Variants in NASP observed in about 807,000 individuals in gnomAD.
NASP encodes the protein NASP histone chaperone.
NASP carries 24 observed loss-of-function variants against 89.5 expected under a neutral mutation model. That is an observed-to-expected ratio of 0.27 (90% CI 0.19 to 0.38). NASP has a LOEUF of 0.38. NASP is among the 10% of genes least tolerant of loss of function. The probability of loss-of-function intolerance (pLI) is 1.00; values close to 1 mark genes in which losing one functional copy is unlikely to be tolerated. For missense variants in NASP, 848 were observed against 921.4 expected, an observed-to-expected ratio of 0.92 and a Z score of 1.03; for synonymous variants, 306 against 324.7, an observed-to-expected ratio of 0.94 and a Z score of 0.62.
At position 45,618,304 on chromosome 1, in the gene NASP, T is replaced by C. The variant is rs1644144047; in HGVS notation, c.*163T>C. ...ATTGGCTGAATCTGCCTTGGAGCAC[T>C]GCTGGTTTTATATATTAGCCAAAGG... On this transcript the variant is annotated 3_prime_UTR_variant, in exon 15 of 15. Coordinates refer to ENST00000350030, the MANE Select transcript of NASP (RefSeq NM_002482.4). 1.7e-6 allele frequency: 1 copy of C among 589,292 alleles called. No individual in the cohort carries two copies. Among genetic ancestry groups the C allele is most frequent in the Admixed American group, 3.1e-5 (1 of 32,690 alleles). The allele number at this position is 589,292 out of a possible 1,614,324, so 36.5% of individuals were successfully genotyped here.
Position 45,618,109 on chromosome 1 carries a change from G to A in NASP, c.2335G>A (p.Ala779Thr). The A allele has an allele frequency of 6.2e-7, 1 of 1,601,744 alleles. No individual in the cohort carries two copies. The highest frequency in any genetic ancestry group is 8.5e-7 in the Non-Finnish European group (1 of 1,173,970). Reference protein sequence around the residue: ...SRAAVEGTVEAGATVESTAC With the variant: ...SRAAVEGTVETGATVESTAC Reference sequence around the variant, plus strand: ...GGCAGCAGTGGAGGGGACAGTGGAGGCTGGAGCTACAGTTGAAAGCACTGC... The same window carrying A: ...GGCAGCAGTGGAGGGGACAGTGGAGACTGGAGCTACAGTTGAAAGCACTGC... The change falls in exon 15 of 15, where the codon GCT becomes ACT. Residue 779 changes from alanine (A) to threonine (T), a missense_variant. Physicochemically the swap from Ala to Thr is moderately conservative, Grantham distance 58. Coordinates refer to ENST00000350030, the MANE Select transcript of NASP (RefSeq NM_002482.4).
In NASP at chr1:45,613,023, G is replaced by A. The variant is rs969357272; in HGVS notation, c.1427-146G>A. 12 of 1,154,262 alleles carry A rather than the reference G, an allele frequency of 1.0e-5. No individual in the cohort carries two copies. In the African/African-American group the frequency reaches 1.4e-4, roughly 14 times the overall value. The allele number at this position is 1,154,262 out of a possible 1,614,324, so 71.5% of individuals were successfully genotyped here. A position where few individuals can be genotyped will look rare whatever the true frequency, so the allele number is the denominator to read the frequency against. On this transcript the variant is annotated intron_variant, in intron 6 of 14. Transcript: ENST00000350030. ...CTTGAACTAGACTGCACCCACTGAC[G>A]ATATATTCAGTTCAGGTGTTAACTC...
intron 2 of NASP, among the ~76,000 whole-genome samples, chr1:45,597,367 A>C (rs1643726323): frequency 6.6e-6 from 1 of 150,442 alleles, no homozygotes; most frequent in South Asian, 2.1e-4. Context: ...TAACAGAAGA[A>C]TATCCAGTTA....
intron 14 of NASP, 79 bp downstream of exon 14, chr1:45,617,670 A>G (rs775029114): frequency 1.1e-5 from 16 of 1,457,824 alleles, no homozygotes; most frequent in Non-Finnish European, 1.5e-5. Context: ...TCTCAAGTGC[A>G]TGCTCCCCAC....
chr1:45,614,409 C>A (rs780616285), intron 9 of NASP, 43 bp downstream of exon 9: 26 of 1,447,932 alleles, frequency 1.8e-5, no homozygotes, highest in Non-Finnish European at 2.4e-5. Flanking sequence ...CTCTTCAGCT[C>A]CCTCGTTCTT....
Position 45,607,965 on chromosome 1 carries a change from G to A in NASP, c.1054G>A (p.Ala352Thr). Residue 352 changes from alanine (A) to threonine (T), a missense_variant, in exon 6 of 15, where the codon GCA (alanine) becomes ACA (threonine). Ala to Thr is a moderately conservative substitution (Grantham distance 58, BLOSUM62 0). Around this residue, in one of 5 missense-constraint regions of NASP, gnomAD observed 464 missense variants for 469.4 expected, o/e 0.99. Coordinates refer to ENST00000350030, the MANE Select transcript of NASP (RefSeq NM_002482.4). ...GTCACCAGAGGTGACAACAGAGGCT[G>A]CAGAGGCCTCAGCTGTAGAGGCTGG... ...EESPEVTTEA[A>T]EASAVEAGSE... 6.2e-7 allele frequency: 1 copy of A among 1,614,138 alleles called. No individual in the cohort carries two copies.
chr1:45,595,220 G>A (rs1643665519), intron 2 of NASP, among the ~76,000 whole-genome samples: 1 of 148,180 alleles, frequency 6.7e-6, no homozygotes. Flanking sequence ...TGTTGCTCAG[G>A]CAGGTCTTGA....
intron 6 of NASP, chr1:45,610,190 C>T (rs541588313): frequency 2.0e-5 from 3 of 152,018 alleles, no homozygotes; most frequent in Admixed American, 1.3e-4. Context: ...CACAGCGAGT[C>T]TCTGTCTTCC....
At chr1:45,597,298 C>CTT (rs71056314) in intron 2 of NASP, among the ~76,000 whole-genome samples, 23,628 of 98,988 alleles carry the variant, frequency 0.24, 3,539 homozygotes, top group East Asian at 0.37. Context: ...CAGAGCAAGA[C>CTT]TTTTTTTTTT....
At position 45,602,256 on chromosome 1, in the gene NASP, C is replaced by G. The variant is rs1374865799; in HGVS notation, c.109C>G (p.Leu37Val). The change falls in exon 3 of 15, where the codon CTG becomes GTG. Residue 37 changes from leucine to valine, a missense_variant and splice_region_variant. Coordinates refer to ENST00000350030, the MANE Select transcript of NASP (RefSeq NM_002482.4). ...CTAGAAAAAATCTTTTTTTTGCAGT[C>G]TGGATGTGGATAGTGAAGCTAAGAA... ...PSTSADKVES[L>V]DVDSEAKKLL... The G allele has an allele frequency of 9.9e-6, 16 of 1,610,378 alleles. 1 individual carries two copies. The South Asian group carries it at 1.8e-4, about 18-fold the overall frequency.
Position 45,607,947 on chromosome 1 carries a change from G to T in NASP, c.1036G>T (p.Glu346Ter). The T allele has an allele frequency of 6.2e-7, 1 of 1,614,166 alleles. No homozygotes were observed. Among genetic ancestry groups the T allele is most frequent in the Non-Finnish European group, 8.5e-7 (1 of 1,180,024 alleles). The part of the protein sequence containing the change: ...QEVPPAEESP[E>*]VTTEAAEASA... ...AGTACCACCTGCTGAAGAGTCACCA[G>T]AGGTGACAACAGAGGCTGCAGAGGC... Residue 346 changes from glutamate to a stop codon, truncating the protein, a stop_gained, in exon 6 of 15, where the codon GAG becomes TAG. Transcript: ENST00000350030. LOFTEE classifies it high-confidence loss of function.
At position 45,608,240 on chromosome 1, in the gene NASP, A is replaced by G. The variant is rs1172829230; in HGVS notation, c.1329A>G (p.Val443=). 6.2e-7 allele frequency: 1 copy of G among 1,614,184 alleles called. No individual in the cohort carries two copies. Among genetic ancestry groups the G allele is most frequent in the Non-Finnish European group, 8.5e-7 (1 of 1,180,000 alleles). ...CTGGAGATGGGGTTGATACCAAGGTAGCCCAGGGAGCTACTGAGAAATCAC... is the reference window on the plus strand; with the variant it reads ...CTGGAGATGGGGTTGATACCAAGGTGGCCCAGGGAGCTACTGAGAAATCAC... ...EAAGDGVDTK[V]AQGATEKSPE... Residue 443 remains valine, a synonymous_variant, in exon 6 of 15, where the codon GTA becomes GTG. Transcript: ENST00000350030.
At chr1:45,605,504 C>A (rs1025655379) in intron 4 of NASP, among the ~76,000 whole-genome samples, 1 of 151,876 alleles carries the variant, frequency 6.6e-6, no homozygotes, top group Non-Finnish European at 1.5e-5. Flanking sequence ...AGTCTGTCAC[C>A]CAGGCTGGAA....
chr1:45,591,167 A>G, intron 1 of NASP, 56 bp from the exon 2 acceptor site: 2 of 1,024,958 alleles, frequency 2.0e-6, no homozygotes, highest in Non-Finnish European at 2.9e-6. Flanking sequence ...TTTTATTTTC[A>G]GGCTTAATAA....
At chr1:45,595,189 T>TG (rs1557653288) in intron 2 of NASP, among the ~76,000 whole-genome samples, 4 of 110,466 alleles carry the variant, frequency 3.6e-5, no homozygotes, top group African/African-American at 1.4e-4. Context: ...GTGTGTGTGT[T>TG]TTAGAGACAG....
intron 7 of NASP, 59 bp from the exon 8 acceptor site, chr1:45,614,037 A>G: frequency 7.5e-7 from 1 of 1,327,246 alleles, no homozygotes; most frequent in Admixed American, 1.9e-5. Context: ...GCTAAGTTAT[A>G]CATTTAGATT....
intron 9 of NASP, 157 bp from the exon 10 acceptor site, chr1:45,614,856 C>A: frequency 2.9e-6 from 2 of 697,144 alleles, no homozygotes; most frequent in Non-Finnish European, 2.3e-6. Context: ...TTTTAAAAGT[C>A]ATTTTGACTT....
chr1:45,590,479 G>T (rs1241991918), intron 1 of NASP, among the ~76,000 whole-genome samples: 1 of 151,016 alleles, frequency 6.6e-6, no homozygotes, highest in African/African-American at 2.4e-5. Flanking sequence ...AACCCGGGAG[G>T]CGGAGCTTGC....
intron 3 of NASP, among the ~76,000 whole-genome samples, chr1:45,603,009 G>T (rs989736162): frequency 2.6e-5 from 4 of 152,144 alleles, no homozygotes; most frequent in African/African-American, 9.7e-5. Context: ...GATTGATAGT[G>T]CTATTATTAG....
Sources: gnomAD v4.1 joint callset for allele counts (sites outside exome capture counted in the v4.1 genomes callset) on GRCh38, gnomAD v4.1.1 for gene constraint, gnomAD v4.1.1 regional missense constraint, MANE v1.5 for transcripts, NCBI Gene and HGNC (gene_info 2026-07-23, HGNC 2026-07-21) for gene names.